The following ZNF763 variants were observed in gnomAD, a reference collection of about 807,000 sequenced individuals.
ZNF763 encodes the protein DNA-binding protein.
In ZNF763, 33 loss-of-function variants were observed where a neutral mutation model predicts 38.0. That is an observed-to-expected ratio of 0.87 (90% confidence interval 0.66 to 1.16). ZNF763 has a LOEUF of 1.16. Ranked by LOEUF, ZNF763 falls within the 50% of genes most tolerant of loss-of-function variation. The pLI, the probability that ZNF763 is intolerant of heterozygous loss-of-function variation, is 0.00. For synonymous variants in ZNF763, 155 were observed against 160.1 expected (o/e 0.97, Z 0.24); for missense variants, 423 against 469.1 (o/e 0.90, Z 0.91).
intron 1 of ZNF763, among the ~76,000 whole-genome samples, chr19:11,975,202 G>A (rs752179588): frequency 1.3e-4 from 20 of 151,092 alleles, no homozygotes; most frequent in Non-Finnish European, 2.7e-4. Context: ...GGGTTCAAGC[G>A]ATTCTCCTGC....
At chr19:11,972,788 C>G (rs2145333133) in intron 1 of ZNF763, among the ~76,000 whole-genome samples, 1 of 152,120 alleles carries the variant, frequency 6.6e-6, no homozygotes, top group African/African-American at 2.4e-5. Flanking sequence ...TCATAATTCC[C>G]CCTGTTTTAA....
At position 11,979,531 on chromosome 19, in the gene ZNF763, A is replaced by C. The variant is rs757389309; in HGVS notation, c.*422A>C. The C allele has an allele frequency of 1.1e-5, 17 of 1,603,656 alleles. No individual in the cohort carries two copies. The highest frequency in any genetic ancestry group is 1.4e-5 in the Non-Finnish European group (17 of 1,172,884). ...AAAGACATGAAAAAACTCACACTGC[A>C]GAGAAACCCTATGAATGCAAGCAAT... On this transcript the variant is annotated 3_prime_UTR_variant, in exon 4 of 4. Coordinates refer to ENST00000358987, the MANE Select transcript of ZNF763 (RefSeq NM_001367172.2).
intron 1 of ZNF763, 83 bp from the exon 2 acceptor site, chr19:11,976,955 A>C (rs1245442018): frequency 6.3e-7 from 1 of 1,580,840 alleles, no homozygotes; most frequent in Non-Finnish European, 8.6e-7. Flanking sequence ...TTTGGAGTCC[A>C]CGGCAACTTC....
chr19:11,971,673 G>T (rs1240614728), intron 1 of ZNF763, among the ~76,000 whole-genome samples: 1 of 152,084 alleles, frequency 6.6e-6, no homozygotes, highest in Non-Finnish European at 1.5e-5. Flanking sequence ...TCCATTTATT[G>T]CATTTTATAT....
rs536573578 is a variant in ZNF763, at chr19:11,966,314, T to G, written c.3+1103T>G. Among the ~76,000 whole-genome samples, 16 of 152,232 alleles carry G rather than the reference T, an allele frequency of 1.1e-4. No individual in the cohort carries two copies. In the East Asian group the frequency reaches 2.9e-3, roughly 28 times the overall value. Reference sequence around the variant, plus strand: ...TACAGAGGCACTCAATTTTCAGGGTTTTTTGGGGGTTCCCTTGGCCAAGAG... The same window carrying G: ...TACAGAGGCACTCAATTTTCAGGGTGTTTTGGGGGTTCCCTTGGCCAAGAG... On this transcript the variant is annotated intron_variant, in intron 1 of 3. Coordinates refer to ENST00000358987, the MANE Select transcript of ZNF763 (RefSeq NM_001367172.2).
chr19:11,968,745 C>T (rs1174443828), intron 1 of ZNF763, among the ~76,000 whole-genome samples: 2 of 152,130 alleles, frequency 1.3e-5, no homozygotes, highest in African/African-American at 4.8e-5. Flanking sequence ...AGGGGCCTGG[C>T]GGGATGGCTC....
intron 3 of ZNF763, 79 bp downstream of exon 3, chr19:11,977,510 A>G: frequency 1.3e-6 from 2 of 1,512,428 alleles, no homozygotes; most frequent in South Asian, 1.2e-5. Context: ...AGTAAAACAA[A>G]GAACTAAGTC....
In ZNF763 at chr19:11,979,038, C is replaced by T; in HGVS notation, c.1114C>T (p.Gln372Ter). 1.9e-6 allele frequency: 3 copies of T among 1,614,198 alleles called. No homozygotes were observed. Among genetic ancestry groups the T allele is most frequent in the Non-Finnish European group, 2.5e-6 (3 of 1,180,028 alleles). Residue 372 changes from glutamine to a stop codon, truncating the protein, a stop_gained, in exon 4 of 4, where the codon CAG (glutamine) becomes TAG (stop). Coordinates refer to ENST00000358987, the MANE Select transcript of ZNF763 (RefSeq NM_001367172.2). LOFTEE classifies it high-confidence loss of function. ...HSAKKPYECKQCGKALSYKFS... is the reference protein window; with the variant it reads ...HSAKKPYECK The stretch of plus-strand genomic sequence containing the variant: ...TGCGAAAAAACCTTATGAATGTAAG[C>T]AGTGTGGGAAAGCATTATCTTATAA...
rs185283105 is a variant in ZNF763, at chr19:11,970,426, C to T, written c.3+5215C>T. 2.5e-4 allele frequency among the ~76,000 whole-genome samples: 38 copies of T among 152,078 alleles called. 2 individuals carry two copies. The highest frequency in any genetic ancestry group is 7.5e-4 in the African/African-American group (31 of 41,476). On this transcript the variant is annotated intron_variant, in intron 1 of 3. Transcript: ENST00000358987. ...GTAAAGTTTTCTTCTGTTATAACAA[C>T]GTTAAATCCATAAAGAAAATGCATG...
At chr19:11,975,385 GA>G (rs1394851568) in intron 1 of ZNF763, among the ~76,000 whole-genome samples, 1 of 144,584 alleles carries the variant, frequency 6.9e-6, no homozygotes, top group African/African-American at 2.7e-5. Flanking sequence ...AGATGTTATT[GA>G]TTTTTTTTTT....
At position 11,978,171 on chromosome 19, in the gene ZNF763, A is replaced by G; in HGVS notation, c.247A>G (p.Thr83Ala). The G allele has an allele frequency of 6.2e-7, 1 of 1,613,850 alleles. No homozygotes were observed. The stretch of plus-strand genomic sequence containing the variant: ...TAAAGAAGACAGTCATTGTGGAGAA[A>G]CTTTTACCCAGGTTCCAGATGACAG... ...EIKEDSHCGE[T>A]FTQVPDDRLN... The change falls in exon 4 of 4, where the codon ACT becomes GCT. Residue 83 changes from threonine to alanine, a missense_variant. Physicochemically the swap from Thr to Ala is moderately conservative, Grantham distance 58 (BLOSUM62 0). Coordinates refer to ENST00000358987, the MANE Select transcript of ZNF763 (RefSeq NM_001367172.2).
At chr19:11,969,688 T>G (rs1231933474) in intron 1 of ZNF763, among the ~76,000 whole-genome samples, 2 of 152,170 alleles carry the variant, frequency 1.3e-5, no homozygotes, top group Non-Finnish European at 2.9e-5. Flanking sequence ...TCTCAAATCC[T>G]CCACCCTCAT....
At chr19:11,970,768 C>T (rs1003189196) in intron 1 of ZNF763, among the ~76,000 whole-genome samples, 6 of 152,078 alleles carry the variant, frequency 3.9e-5, no homozygotes, top group African/African-American at 1.4e-4. Context: ...CCCATCTGTA[C>T]TGAAAATACA....
Position 11,980,164 on chromosome 19 carries a change from G to GCTT in ZNF763, c.*1055_*1056insCTT. On this transcript the variant is annotated 3_prime_UTR_variant, in exon 4 of 4. Transcript: ENST00000358987. Reference sequence around the variant, plus strand: ...AGAAACCAAAGCAGGTGAATCACCTGAGGTCAGGAGTTCAAGACTGGCCTG... The same window carrying GCTT: ...AGAAACCAAAGCAGGTGAATCACCTGCTTAGGTCAGGAGTTCAAGACTGGCCTG... The GCTT allele has an allele frequency of 1.6e-6, 1 of 642,670 alleles. No homozygotes were observed. The allele number at this position is 642,670 out of a possible 1,614,324, so 39.8% of individuals were successfully genotyped here.
rs776933097 is a variant in ZNF763 at position 11,965,260 on chromosome 19, A to G, written c.3+49A>G. ...CCGAGACGGGGTAGAGGCTGCCTGG[A>G]ACCGGCCGGAACCGGCTGCGGCGGG... On this transcript the variant is annotated intron_variant, in intron 1 of 3. Coordinates refer to ENST00000358987, the MANE Select transcript of ZNF763 (RefSeq NM_001367172.2). The G allele has an allele frequency of 5.6e-6, 9 of 1,611,992 alleles. No individual in the cohort carries two copies. The East Asian group carries it at 2.0e-4, about 36-fold the overall frequency.
In ZNF763 at chr19:11,978,929, G is replaced by A. The variant is rs139588567; in HGVS notation, c.1005G>A (p.Thr335=). 3.4e-4 allele frequency: 543 copies of A among 1,614,102 alleles called. 5 individuals carry two copies. In the African/African-American group the frequency reaches 5.7e-3, roughly 17 times the overall value. Residue 335 remains threonine (T), a synonymous_variant, in exon 4 of 4, where the codon ACG becomes ACA. Transcript: ENST00000358987. ...ATCTTAGACATAAAAGGAGTCACAC[G>A]GGAGAGAAGCCTTATCAATGTAAGG... is the stretch of plus-strand genomic sequence containing the variant. ...RSYLRHKRSH[T]GEKPYQCKEC...
At chr19:11,969,436 A>G (rs1973305199) in intron 1 of ZNF763, among the ~76,000 whole-genome samples, 1 of 152,012 alleles carries the variant, frequency 6.6e-6, no homozygotes, top group Admixed American at 6.5e-5. Flanking sequence ...CTATATAGGT[A>G]GAAAATTTCT....
At chr19:11,970,437 T>C (rs1437540901) in intron 1 of ZNF763, among the ~76,000 whole-genome samples, 2 of 152,162 alleles carry the variant, frequency 1.3e-5, no homozygotes, top group Non-Finnish European at 2.9e-5. Context: ...GTTAAATCCA[T>C]AAAGAAAATG....
rs192391233 is a variant in ZNF763 at position 11,975,632 on chromosome 19, T to C, written c.4-1406T>C. Among the ~76,000 whole-genome samples the C allele has an allele frequency of 6.2e-3, 918 of 148,584 alleles. 6 individuals carry two copies. The highest frequency in any genetic ancestry group is 0.022 in the African/African-American group (895 of 40,158). ...CTCCTGACCTCGTGATCCGCCCGCCTCGGCCTACCAAAGTGTTGGGATTAC... is the reference window on the plus strand; with the variant it reads ...CTCCTGACCTCGTGATCCGCCCGCCCCGGCCTACCAAAGTGTTGGGATTAC... On this transcript the variant is annotated intron_variant, in intron 1 of 3. Coordinates refer to ENST00000358987, the MANE Select transcript of ZNF763 (RefSeq NM_001367172.2).
Sources: allele counts gnomAD v4.1 joint callset (sites outside exome capture counted in the v4.1 genomes callset), GRCh38; gene constraint gnomAD v4.1.1; transcripts MANE v1.5; gene names NCBI Gene and HGNC (gene_info 2026-07-23, HGNC 2026-07-21).